Variants in GRAMD2B observed in about 807,000 individuals in gnomAD.
GRAMD2B encodes GRAM domain containing 2B, also known as GRAM domain-containing protein 2B.
In GRAMD2B, 41 loss-of-function variants were observed where a neutral mutation model predicts 59.2. The observed-to-expected ratio is 0.69, with a 90% CI of 0.54 to 0.90. The LOEUF is 0.90. Among genes scored for constraint, GRAMD2B ranks in the 40% least tolerant of loss-of-function variants. GRAMD2B has a pLI of 0.00. For synonymous variants in GRAMD2B, 161 were observed against 182.7 expected (o/e 0.88, Z 0.96); for missense variants, 424 against 500.5 (o/e 0.85, Z 1.46).
intron 1 of GRAMD2B, among the ~76,000 whole-genome samples, chr5:126,442,786 T>A (rs1763523488): frequency 6.6e-6 from 1 of 152,116 alleles, no homozygotes; most frequent in Admixed American, 6.5e-5. Flanking sequence ...TTTTTTTAAT[T>A]AAAATCTATG....
Position 126,423,664 on chromosome 5 carries a change from A to G in GRAMD2B, c.58A>G (p.Arg20Gly). The change falls in exon 1 of 14, where the codon AGG becomes GGG. Residue 20 changes from arginine to glycine, a missense_variant. Coordinates refer to ENST00000285689, the MANE Select transcript of GRAMD2B (RefSeq NM_023927.4). ...DTKPAKVLGK[R>G]ESKLGSAHSE... The stretch of plus-strand genomic sequence containing the variant: ...AAAGCCTGCGAAAGTGCTCGGGAAG[A>G]GGGAGAGCAAACTTGGCTCAGCCCA... The G allele has an allele frequency of 6.2e-7, 1 of 1,609,062 alleles. No individual in the cohort carries two copies. The highest frequency in any genetic ancestry group is 8.5e-7 in the Non-Finnish European group (1 of 1,178,132).
chr5:126,458,004 T>C (rs1243519175), intron 1 of GRAMD2B, among the ~76,000 whole-genome samples: 1 of 152,240 alleles, frequency 6.6e-6, no homozygotes, highest in Non-Finnish European at 1.5e-5. Context: ...TGCATATTTG[T>C]CTTTTGTTTT....
At chr5:126,443,408 C>T (rs1763627518) in intron 1 of GRAMD2B, among the ~76,000 whole-genome samples, 1 of 152,188 alleles carries the variant, frequency 6.6e-6, no homozygotes, top group Non-Finnish European at 1.5e-5. Context: ...TTTATATTCT[C>T]ACTTCTAGTT....
At chr5:126,487,580 G>A (rs1773182629) in intron 12 of GRAMD2B, among the ~76,000 whole-genome samples, 1 of 152,120 alleles carries the variant, frequency 6.6e-6, no homozygotes, top group South Asian at 2.1e-4. Context: ...AATAATTTAT[G>A]CCATGTTAGA....
chr5:126,492,873 C>T, intron 13 of GRAMD2B, 42 bp from the exon 14 acceptor site: 1 of 1,263,334 alleles, frequency 7.9e-7, no homozygotes. Flanking sequence ...TAATATACTC[C>T]ATTCTATTTA....
intron 1 of GRAMD2B, among the ~76,000 whole-genome samples, chr5:126,371,727 G>C (rs1014269003): frequency 1.2e-4 from 19 of 152,122 alleles, no homozygotes; most frequent in Admixed American, 3.9e-4. Flanking sequence ...GGATTCGAAG[G>C]GGGTATGTAA....
At chr5:126,365,397 C>T (rs561526404) in intron 1 of GRAMD2B, among the ~76,000 whole-genome samples, 1 of 152,288 alleles carries the variant, frequency 6.6e-6, no homozygotes, top group Admixed American at 6.5e-5. Flanking sequence ...TGCATAAAAT[C>T]AAACAAAGGC....
chr5:126,371,062 CT>C (rs761397170), upstream of GRAMD2B, among the ~76,000 whole-genome samples: 25 of 152,178 alleles, frequency 1.6e-4, no homozygotes, highest in South Asian at 6.2e-4. Context: ...AAAAAGCATC[CT>C]GCTTTTAATG....
At chr5:126,452,096 A>G (rs922528426) in intron 1 of GRAMD2B, among the ~76,000 whole-genome samples, 1 of 152,174 alleles carries the variant, frequency 6.6e-6, no homozygotes, top group African/African-American at 2.4e-5. Flanking sequence ...TCTTGGGTAT[A>G]TCTCTATAGC....
chr5:126,382,558 T>C (rs1755745299), intron 1 of GRAMD2B, among the ~76,000 whole-genome samples: 1 of 152,194 alleles, frequency 6.6e-6, no homozygotes, highest in Non-Finnish European at 1.5e-5. Flanking sequence ...TTTTTATTTA[T>C]GCTATCTGTT....
At chr5:126,386,384 A>G (rs115509499) in intron 1 of GRAMD2B, among the ~76,000 whole-genome samples, 476 of 152,366 alleles carry the variant, frequency 3.1e-3, no homozygotes, top group African/African-American at 0.01. Context: ...GATAAGGGTT[A>G]GATGAGTTGT....
At chr5:126,401,021 A>G (rs1757788468) in intron 1 of GRAMD2B, among the ~76,000 whole-genome samples, 1 of 152,122 alleles carries the variant, frequency 6.6e-6, no homozygotes, top group Non-Finnish European at 1.5e-5. Context: ...TTTAAAAATA[A>G]GCTTTCTTCC....
At chr5:126,376,544 G>A (rs1755201328) in intron 1 of GRAMD2B, among the ~76,000 whole-genome samples, 1 of 152,156 alleles carries the variant, frequency 6.6e-6, no homozygotes, top group Non-Finnish European at 1.5e-5. Flanking sequence ...TTCTCCTGCT[G>A]TTACAAAAAG....
At chr5:126,440,658 A>G (rs56672263) in intron 1 of GRAMD2B, among the ~76,000 whole-genome samples, 3,109 of 152,258 alleles carry the variant, frequency 0.02, 118 homozygotes, top group African/African-American at 0.07. Context: ...AACAAAAACT[A>G]CTATATAATA....
chr5:126,457,419 A>G (rs1028398097), intron 1 of GRAMD2B, among the ~76,000 whole-genome samples: 1 of 152,024 alleles, frequency 6.6e-6, no homozygotes, highest in East Asian at 1.9e-4. Flanking sequence ...AGATCACCTG[A>G]GCTCAGGAGT....
upstream of GRAMD2B, among the ~76,000 whole-genome samples, chr5:126,421,942 C>T (rs1017770079): frequency 2.0e-5 from 3 of 152,052 alleles, no homozygotes; most frequent in African/African-American, 7.2e-5. Flanking sequence ...TCGTTTTTTC[C>T]CAGGCATGTC....
chr5:126,459,890 T>C (rs6595710), intron 1 of GRAMD2B, among the ~76,000 whole-genome samples: 132,454 of 152,250 alleles, frequency 0.87, 58,643 homozygotes, highest in East Asian at 1. Flanking sequence ...GCTGTAACAT[T>C]TTTTCTATCA....
At chr5:126,492,795 C>G in intron 13 of GRAMD2B, 120 bp from the exon 14 acceptor site, 1 of 619,256 alleles carries the variant, frequency 1.6e-6, no homozygotes, top group Non-Finnish European at 2.8e-6. Flanking sequence ...TAAATTTAAC[C>G]CTTTTGTAGC....
At chr5:126,367,953 G>A (rs556769317), upstream of GRAMD2B, among the ~76,000 whole-genome samples, 322 of 152,084 alleles carry the variant, frequency 2.1e-3, no homozygotes, top group Non-Finnish European at 3.7e-3. Context: ...GGGTTTCACC[G>A]TGTTAGCCAA....
Sources: gnomAD v4.1 joint callset for allele counts (sites outside exome capture counted in the v4.1 genomes callset) on GRCh38, gnomAD v4.1.1 for gene constraint, MANE v1.5 for transcripts, NCBI Gene and HGNC (gene_info 2026-07-23, HGNC 2026-07-21) for gene names.